Variants in GPR137C observed in about 807,000 individuals in gnomAD.
GPR137C encodes the protein G protein-coupled receptor 137C, also known as integral membrane protein GPR137C.
GPR137C carries 27 observed loss-of-function variants against 43.4 expected under a neutral mutation model. The observed-to-expected ratio is 0.62, with a 90% CI of 0.46 to 0.86. The LOEUF is 0.86. Ranked by LOEUF, GPR137C falls within the 40% of genes least tolerant of loss-of-function variation. The pLI is 0.00. For missense variants in GPR137C, 522 were observed against 534.6 expected (o/e 0.98, Z 0.23); for synonymous variants, 285 against 226.9 (o/e 1.26, Z -2.30).
intron 3 of GPR137C, 143 bp from the exon 4 acceptor site, chr14:52,632,017 C>A: frequency 3.7e-6 from 2 of 540,696 alleles, no homozygotes; most frequent in Non-Finnish European, 6.5e-6. Flanking sequence ...AATTGAAAAG[C>A]AAGATAATCA....
At chr14:52,612,889 A>T (rs144675849) in intron 3 of GPR137C, 2 of 152,016 alleles carry the variant, frequency 1.3e-5, no homozygotes, top group East Asian at 3.9e-4. Context: ...TTTAATTCTT[A>T]GAAAATTTTT....
rs1213547889 is a variant in GPR137C, at chr14:52,553,196, G to A, written c.49G>A (p.Gly17Ser). 39 of 1,213,244 alleles carry A rather than the reference G, an allele frequency of 3.2e-5. No individual in the cohort carries two copies. The highest frequency in any genetic ancestry group is 3.2e-4 in the Middle Eastern group (1 of 3,108). 75.2% of individuals were successfully genotyped at this position (1,213,244 alleles called of 1,614,324 possible). Reference sequence around the variant, plus strand: ...GGCGGCCGCTGCCGCCCCCGCAGCCGGCCGCGAGCCCTCCACGCCCGGCGG... The same window carrying A: ...GGCGGCCGCTGCCGCCCCCGCAGCCAGCCGCGAGCCCTCCACGCCCGGCGG... ...GPAAAAAPAA[G>S]REPSTPGGGS... Residue 17 changes from glycine (G) to serine (S), a missense_variant, in exon 1 of 7, where the codon GGC becomes AGC. Coordinates refer to ENST00000321662, the MANE Select transcript of GPR137C (RefSeq NM_001099652.2).
chr14:52,626,766 G>A (rs978442061), intron 3 of GPR137C, among the ~76,000 whole-genome samples: 1 of 152,212 alleles, frequency 6.6e-6, no homozygotes, highest in South Asian at 2.1e-4. Flanking sequence ...ACTTTAGCAA[G>A]TTCTCAGAAT....
At chr14:52,627,309 C>T (rs908996277) in intron 3 of GPR137C, among the ~76,000 whole-genome samples, 4 of 152,054 alleles carry the variant, frequency 2.6e-5, no homozygotes, top group African/African-American at 9.7e-5. Context: ...AGGAGGATCC[C>T]TTGAGCCCAG....
At chr14:52,618,976 C>T (rs1158379984) in intron 3 of GPR137C, among the ~76,000 whole-genome samples, 2 of 152,120 alleles carry the variant, frequency 1.3e-5, no homozygotes, top group African/African-American at 4.8e-5. Flanking sequence ...CATTGGTACT[C>T]AAGATCAGCT....
At chr14:52,603,069 T>A (rs1189025568) in intron 3 of GPR137C, among the ~76,000 whole-genome samples, 3 of 152,180 alleles carry the variant, frequency 2.0e-5, no homozygotes, top group African/African-American at 7.2e-5. Flanking sequence ...ATTTTTGTAC[T>A]CATCAACCAA....
chr14:52,616,277 T>G (rs1337995609), intron 3 of GPR137C, among the ~76,000 whole-genome samples: 1 of 151,262 alleles, frequency 6.6e-6, no homozygotes, highest in African/African-American at 2.4e-5. Flanking sequence ...ACACATATGT[T>G]CTCTTTTTTG....
chr14:52,632,412 C>T lies in GPR137C; in HGVS notation c.867+103C>T, dbSNP rs927895362. The T allele has an allele frequency of 3.9e-6, 3 of 773,070 alleles. No individual in the cohort carries two copies. In the Admixed American group the frequency reaches 8.1e-5, roughly 21 times the overall value. 47.9% of individuals were successfully genotyped at this position (773,070 alleles called of 1,614,324 possible). A position where few individuals can be genotyped will look rare whatever the true frequency, so the allele number is the denominator to read the frequency against. On this transcript the variant is annotated intron_variant, in intron 4 of 6. Transcript: ENST00000321662. Reference sequence around the variant, plus strand: ...TGACTTACAAACACATTTATGGAATCTCTGTCTACTGTCAGTAATCATACT... The same window carrying T: ...TGACTTACAAACACATTTATGGAATTTCTGTCTACTGTCAGTAATCATACT...
intron 1 of GPR137C, among the ~76,000 whole-genome samples, chr14:52,565,279 TCTC>T (rs775583152): frequency 2.0e-5 from 3 of 152,314 alleles, no homozygotes; most frequent in Non-Finnish European, 2.9e-5. Flanking sequence ...GCTATTTTCT[TCTC>T]CTCCTCTTCC....
intron 3 of GPR137C, among the ~76,000 whole-genome samples, chr14:52,605,702 T>C (rs1439862119): frequency 6.6e-6 from 1 of 152,238 alleles, no homozygotes. Flanking sequence ...TTAGACTTTA[T>C]CTTGCTGAGG....
chr14:52,555,392 C>A (rs1295005836), intron 1 of GPR137C, among the ~76,000 whole-genome samples: 1 of 152,074 alleles, frequency 6.6e-6, no homozygotes, highest in Non-Finnish European at 1.5e-5. Flanking sequence ...GTTACCACCA[C>A]CCAGATTAAG....
chr14:52,630,992 C>T (rs1238952985), intron 3 of GPR137C, among the ~76,000 whole-genome samples: 1 of 152,080 alleles, frequency 6.6e-6, no homozygotes, highest in Non-Finnish European at 1.5e-5. Flanking sequence ...ATACCACAAG[C>T]AGTATTGCTG....
At chr14:52,595,717 C>A (rs2038845915) in intron 1 of GPR137C, among the ~76,000 whole-genome samples, 1 of 152,082 alleles carries the variant, frequency 6.6e-6, no homozygotes, top group Admixed American at 6.6e-5. Context: ...TAGCCATTCG[C>A]CTGACCTTTT....
At chr14:52,600,428 C>CTATTT (rs72343825) in intron 3 of GPR137C, 87 bp downstream of exon 3, 8,148 of 674,896 alleles carry the variant, frequency 0.012, 400 homozygotes, top group African/African-American at 0.12. Context: ...GTTTATATTG[C>CTATTT]TATTTTATTT....
intron 1 of GPR137C, among the ~76,000 whole-genome samples, chr14:52,572,622 C>G (rs1179709886): frequency 6.6e-6 from 1 of 152,170 alleles, no homozygotes; most frequent in Non-Finnish European, 1.5e-5. Flanking sequence ...CTATTTATGA[C>G]AAACCCACAG....
intron 1 of GPR137C, among the ~76,000 whole-genome samples, chr14:52,571,962 C>G (rs1330076676): frequency 6.6e-6 from 1 of 152,136 alleles, no homozygotes; most frequent in African/African-American, 2.4e-5. Context: ...GAGAATACTG[C>G]AAACACCTGT....
At chr14:52,619,073 C>T (rs938197014) in intron 3 of GPR137C, among the ~76,000 whole-genome samples, 5 of 152,098 alleles carry the variant, frequency 3.3e-5, no homozygotes, top group African/African-American at 1.2e-4. Flanking sequence ...CTGTATAAAC[C>T]TTTCTGTTCT....
At chr14:52,574,181 C>A (rs754009155) in intron 1 of GPR137C, among the ~76,000 whole-genome samples, 1 of 151,960 alleles carries the variant, frequency 6.6e-6, no homozygotes, top group African/African-American at 2.4e-5. Flanking sequence ...AGGATCTAGA[C>A]CAGTAATACC....
intron 1 of GPR137C, among the ~76,000 whole-genome samples, chr14:52,590,695 A>G: frequency 6.6e-6 from 1 of 152,200 alleles, no homozygotes; most frequent in East Asian, 1.9e-4. Context: ...CAGCAGTAAC[A>G]TGCTGTACAG....
Sources: gnomAD v4.1 joint callset for allele counts (sites outside exome capture counted in the v4.1 genomes callset) on GRCh38, gnomAD v4.1.1 for gene constraint, MANE v1.5 for transcripts, NCBI Gene and HGNC (gene_info 2026-07-23, HGNC 2026-07-21) for gene names.